Variants in ENO4 observed in about 807,000 individuals in gnomAD.
The protein encoded by ENO4 is enolase 4.
A neutral mutation model predicts 63.2 loss-of-function variants in ENO4; 53 were observed. The observed-to-expected ratio is 0.84, with a 90% confidence interval of 0.67 to 1.05. The LOEUF is 1.05. ENO4 is among the 50% of genes least tolerant of loss of function. The pLI is 0.00. For synonymous variants in ENO4, 266 were observed against 283.8 expected (o/e 0.94, Z 0.63); for missense variants, 719 against 772.0 (o/e 0.93, Z 0.81).
chr10:116,870,175 G>GCA (rs200462309), intron 8 of ENO4, among the ~76,000 whole-genome samples: 3 of 151,918 alleles, frequency 2.0e-5, no homozygotes, highest in African/African-American at 4.8e-5. Flanking sequence ...TGAGTTTGGT[G>GCA]CACACACACA....
At chr10:116,849,989 G>T in intron 1 of ENO4, 1 of 658,902 alleles carries the variant, frequency 1.5e-6, no homozygotes, top group Admixed American at 2.2e-5. Context: ...GACCTGCAGC[G>T]GCAGCCCAGG....
chr10:116,881,676 A>T lies in ENO4; in HGVS notation c.*7A>T. 1 of 1,501,058 alleles carries T rather than the reference A, an allele frequency of 6.7e-7. No individual in the cohort carries two copies. Among genetic ancestry groups the T allele is most frequent in the Non-Finnish European group, 8.9e-7 (1 of 1,121,780 alleles). The allele number at this position is 1,501,058 out of a possible 1,614,324, so 93.0% of individuals were successfully genotyped here. On this transcript the variant is annotated 3_prime_UTR_variant, in exon 14 of 14. Transcript: ENST00000341276. ...AGGAGCATCCTCTGGATAGGGCTGT[A>T]CACACCCCAGGTTCCAGCCACACCA...
At chr10:116,910,781 C>CGTGCTT (rs1848161077) in intron 10 of ENO4, among the ~76,000 whole-genome samples, 1 of 152,176 alleles carries the variant, frequency 6.6e-6, no homozygotes, top group South Asian at 2.1e-4. Context: ...ATTAGATAAT[C>CGTGCTT]ACCACATGCT....
chr10:116,879,983 C>T lies in ENO4; in HGVS notation c.1720C>T (p.Leu574=), dbSNP rs1283217072. 6.5e-7 allele frequency: 1 copy of T among 1,541,582 alleles called. No homozygotes were observed. Among genetic ancestry groups the T allele is most frequent in the Non-Finnish European group, 8.8e-7 (1 of 1,138,870 alleles). ...IEEELVQNGT[L]GFKEEHTFFY... ...GGAAGAACTTGTCCAGAATGGAACACTGGGTATGCGCTGCTTTCTTGCTTT... is the reference window on the plus strand; with the variant it reads ...GGAAGAACTTGTCCAGAATGGAACATTGGGTATGCGCTGCTTTCTTGCTTT... The change falls in exon 13 of 14, where the codon CTG becomes TTG. Residue 574 remains leucine (L), a synonymous_variant. Transcript: ENST00000341276.
intron 10 of ENO4, among the ~76,000 whole-genome samples, chr10:116,899,578 G>C (rs1302688189): frequency 1.3e-5 from 2 of 149,526 alleles, no homozygotes; most frequent in East Asian, 3.9e-4. Flanking sequence ...TGTTGGGACA[G>C]TAATGTCTGT....
intron 10 of ENO4, among the ~76,000 whole-genome samples, chr10:116,888,857 C>T (rs1019581973): frequency 2.0e-5 from 3 of 152,216 alleles, no homozygotes; most frequent in Non-Finnish European, 4.4e-5. Context: ...ATTTATCTGT[C>T]GGCAACTCTA....
intron 10 of ENO4, among the ~76,000 whole-genome samples, chr10:116,888,842 T>G (rs768692961): frequency 1.6e-4 from 24 of 152,226 alleles, no homozygotes; most frequent in Non-Finnish European, 2.8e-4. Context: ...CTAAATCTCA[T>G]GCAGATTTAT....
chr10:116,869,323 T>C (rs2133267617), intron 8 of ENO4, among the ~76,000 whole-genome samples: 1 of 152,284 alleles, frequency 6.6e-6, no homozygotes, highest in South Asian at 2.1e-4. Flanking sequence ...CTTTCAACAA[T>C]ATAAATAGAA....
chr10:116,909,421 C>G (rs2133342405), intron 10 of ENO4, among the ~76,000 whole-genome samples: 1 of 152,258 alleles, frequency 6.6e-6, no homozygotes, highest in South Asian at 2.1e-4. Context: ...CTTTGATTTA[C>G]AGCCAACTGA....
intron 1 of ENO4, among the ~76,000 whole-genome samples, chr10:116,854,940 CAAAAAAA>C (rs71013620): frequency 1.5e-3 from 64 of 41,522 alleles, no homozygotes; most frequent in African/African-American, 6.3e-3. Context: ...GACCCTGTCT[CAAAAAAA>C]AAAAAAAAAA....
At chr10:116,849,773 T>TC (rs1846006453) in intron 1 of ENO4, 42 bp downstream of exon 1, 7 of 1,451,412 alleles carry the variant, frequency 4.8e-6, no homozygotes, top group South Asian at 2.9e-5. Flanking sequence ...CCAACCCCTC[T>TC]CCCCCCGCCC....
chr10:116,856,455 G>T (rs1846259762), intron 2 of ENO4, 37 bp from the exon 3 acceptor site: 4 of 1,495,442 alleles, frequency 2.7e-6, no homozygotes, highest in Admixed American at 2.0e-5. Flanking sequence ...TCTGGGAGAG[G>T]TAGGGAAAGT....
intron 1 of ENO4, 140 bp downstream of exon 1, chr10:116,849,871 A>G: frequency 1.0e-6 from 1 of 978,402 alleles, no homozygotes; most frequent in South Asian, 1.4e-5. Flanking sequence ...TGTGCGGAGG[A>G]GACTTCTGGA....
intron 10 of ENO4, chr10:116,901,251 A>C (rs992298679): frequency 1.0e-6 from 1 of 985,220 alleles, no homozygotes; most frequent in Non-Finnish European, 1.2e-6. Context: ...TGACAATCAA[A>C]GTGCCACTCT....
Position 116,849,832 on chromosome 10 carries a change from A to G in ENO4, c.165+101A>G, listed in dbSNP as rs1013510629. 5 of 1,331,936 alleles carry G rather than the reference A, an allele frequency of 3.8e-6. No homozygotes were observed. The East Asian group carries it at 1.3e-4, about 34-fold the overall frequency. 82.5% of individuals were successfully genotyped at this position (1,331,936 alleles called of 1,614,324 possible). A position where few individuals can be genotyped will look rare whatever the true frequency, so the allele number is the denominator to read the frequency against. ...CTGCGCCTGCGCCTCAGAATCTCGC[A>G]TGCCAGCCGCCCGGGCCCTGGGCCT... On this transcript the variant is annotated intron_variant, in intron 1 of 13. Transcript: ENST00000341276.
chr10:116,880,577 A>G (rs1421955894), intron 13 of ENO4, among the ~76,000 whole-genome samples: 2 of 152,232 alleles, frequency 1.3e-5, no homozygotes, highest in African/African-American at 4.8e-5. Context: ...TATAGCATGC[A>G]GTGGCATTTA....
chr10:116,874,460 C>T (rs1846776459), intron 10 of ENO4, among the ~76,000 whole-genome samples: 3 of 152,126 alleles, frequency 2.0e-5, no homozygotes, highest in African/African-American at 4.8e-5. Flanking sequence ...GTGTGCCTGT[C>T]TGGGGAATGA....
intron 11 of ENO4, among the ~76,000 whole-genome samples, chr10:116,878,897 C>T (rs1012691773): frequency 2.6e-5 from 4 of 151,932 alleles, no homozygotes; most frequent in South Asian, 2.1e-4. Context: ...GTGCCTACCA[C>T]CACGCCCGGC....
chr10:116,905,187 C>T (rs978293906), intron 10 of ENO4, among the ~76,000 whole-genome samples: 1 of 132,698 alleles, frequency 7.5e-6, no homozygotes, highest in Non-Finnish European at 1.5e-5. Flanking sequence ...CCAGCCTGGG[C>T]GACAGAGCGA....
Sources: allele counts gnomAD v4.1 joint callset (sites outside exome capture counted in the v4.1 genomes callset), GRCh38; gene constraint gnomAD v4.1.1; transcripts MANE v1.5; gene names NCBI Gene and HGNC (gene_info 2026-07-23, HGNC 2026-07-21).